Variants in ATP2B4 observed in about 807,000 individuals in gnomAD.
The protein encoded by ATP2B4 is ATPase plasma membrane Ca2+ transporting 4, also known as plasma membrane calcium-transporting ATPase 4.
In ATP2B4, 39 loss-of-function variants were observed where a neutral mutation model predicts 110.3. The observed-to-expected ratio is 0.35, with a 90% CI of 0.27 to 0.46. The LOEUF (loss-of-function observed/expected upper bound fraction) is 0.46, where lower values mean the gene tolerates loss of function less well. Ranked by LOEUF, ATP2B4 falls within the 20% of genes least tolerant of loss-of-function variation. The pLI is 1.00. For synonymous variants in ATP2B4, 538 were observed against 571.7 expected, an observed-to-expected ratio of 0.94 and a Z score of 0.84; for missense variants, 1,135 against 1,530.9, an observed-to-expected ratio of 0.74 and a Z score of 4.32.
At chr1:203,734,705 CA>C (rs35242931) in intron 20 of ATP2B4, among the ~76,000 whole-genome samples, 43,305 of 123,166 alleles carry the variant, frequency 0.35, 6,763 homozygotes, top group Non-Finnish European at 0.39. Flanking sequence ...GACTCCATCT[CA>C]AAAAAAAAAA....
rs144182897 is a variant in ATP2B4, at chr1:203,700,309, C to A, written c.753C>A (p.Asp251Glu). The A allele has an allele frequency of 3.1e-6, 5 of 1,613,438 alleles. No individual in the cohort carries two copies. Among genetic ancestry groups the A allele is most frequent in the Non-Finnish European group, 4.2e-6 (5 of 1,179,702 alleles). Residue 251 changes from aspartate (D) to glutamate (E), a missense_variant, in exon 5 of 21, where the codon GAC becomes GAA. Physicochemically the swap from Asp to Glu is conservative, Grantham distance 45 (BLOSUM62 2). Transcript: ENST00000357681. ...CTGACCATGTCAAGAAGTCCCTGGA[C>A]AAAGACCCCATGTTGCTCTCAGGTA... ...GESDHVKKSL[D>E]KDPMLLSGTH...
rs910330706 is a variant in ATP2B4 at position 203,724,067 on chromosome 1, C to G, written c.3132+79C>G. The G allele has an allele frequency of 6.7e-6, 8 of 1,196,028 alleles. No individual in the cohort carries two copies. In the East Asian group the frequency reaches 1.8e-4, roughly 27 times the overall value. 74.1% of individuals were successfully genotyped at this position (1,196,028 alleles called of 1,614,324 possible). ...CCTCTACATGAGATGGAACAAGCAA[C>G]GGTGGAGACCCCCCAGCTCCTCATC... On this transcript the variant is annotated intron_variant, in intron 19 of 20. Coordinates refer to ENST00000357681, the MANE Select transcript of ATP2B4 (RefSeq NM_001684.5).
intron 1 of ATP2B4, among the ~76,000 whole-genome samples, chr1:203,631,188 A>C (rs1663254789): frequency 6.6e-6 from 1 of 152,242 alleles, no homozygotes; most frequent in South Asian, 2.1e-4. Flanking sequence ...CTATGTGTGA[A>C]GGATAGTGGA....
At chr1:203,729,033 G>A (rs560770526) in intron 20 of ATP2B4, among the ~76,000 whole-genome samples, 9 of 150,142 alleles carry the variant, frequency 6.0e-5, no homozygotes, top group Non-Finnish European at 1.3e-4. Context: ...CAGGAAAATC[G>A]CTTGAACCCA....
intron 1 of ATP2B4, among the ~76,000 whole-genome samples, chr1:203,672,450 C>CCGT (rs1369343590): frequency 6.6e-6 from 1 of 150,678 alleles, no homozygotes; most frequent in Admixed American, 6.7e-5. Flanking sequence ...AATAGCTTTA[C>CCGT]CGTCGCTGGG....
chr1:203,701,933 A>C (rs1665704413), intron 6 of ATP2B4, 111 bp from the exon 7 acceptor site: 1 of 1,098,176 alleles, frequency 9.1e-7, no homozygotes, highest in Non-Finnish European at 1.3e-6. Context: ...CTTCCCTGCA[A>C]CCCAAACACT....
At chr1:203,635,162 C>T (rs1445199496) in intron 1 of ATP2B4, among the ~76,000 whole-genome samples, 5 of 152,018 alleles carry the variant, frequency 3.3e-5, no homozygotes, top group Admixed American at 6.6e-5. Flanking sequence ...TTAGTAGAGA[C>T]GAGGTTTCTC....
At chr1:203,672,477 C>T (rs1664703024) in intron 1 of ATP2B4, among the ~76,000 whole-genome samples, 1 of 152,076 alleles carries the variant, frequency 6.6e-6, no homozygotes, top group Admixed American at 6.5e-5. Context: ...ACTCGCTTTG[C>T]CATAGCAACC....
rs1491262777 is a variant in ATP2B4 at position 203,723,418 on chromosome 1, A to ATCTCTCTCTC, written c.3025-462_3025-461insCTCTCTCTCT. On this transcript the variant is annotated intron_variant, in intron 18 of 20. Coordinates refer to ENST00000357681, the MANE Select transcript of ATP2B4 (RefSeq NM_001684.5). ...TTTTTTTTTTTTTCGTTTGAGACAG[A>ATCTCTCTCTC]TATCTCTCTCTCTCTCTCTCTCTCT... Among the ~76,000 whole-genome samples the ATCTCTCTCTC allele has an allele frequency of 1.7e-4, 11 of 66,458 alleles. 1 individual carries two copies. The highest frequency in any genetic ancestry group is 5.9e-4 in the African/African-American group (10 of 16,968). The allele number at this position is 66,458 out of a possible 152,430, so 43.6% of individuals were successfully genotyped here.
intron 1 of ATP2B4, among the ~76,000 whole-genome samples, chr1:203,646,130 A>C (rs114826170): frequency 3.3e-5 from 5 of 152,120 alleles, no homozygotes; most frequent in African/African-American, 9.7e-5. Context: ...AGCACTTACT[A>C]TATTTCAGGC....
intron 1 of ATP2B4, among the ~76,000 whole-genome samples, chr1:203,674,672 T>C (rs556896234): frequency 0.022 from 1,719 of 78,952 alleles, 34 homozygotes; most frequent in Middle Eastern, 0.053. Context: ...TTTTTTTTTT[T>C]CTGAGATGGG....
intron 15 of ATP2B4, among the ~76,000 whole-genome samples, chr1:203,719,936 G>T (rs1050755135): frequency 3.9e-5 from 6 of 151,938 alleles, no homozygotes; most frequent in Non-Finnish European, 8.8e-5. Flanking sequence ...ACCAAGCAGG[G>T]TGAGCAAATG....
At chr1:203,687,776 A>ATTC (rs1342015192) in intron 2 of ATP2B4, among the ~76,000 whole-genome samples, 2 of 152,112 alleles carry the variant, frequency 1.3e-5, no homozygotes, top group African/African-American at 4.8e-5. Flanking sequence ...GTGGGACTTA[A>ATTC]TTATCTCTTT....
At chr1:203,669,222 G>A (rs1359548026) in intron 1 of ATP2B4, among the ~76,000 whole-genome samples, 1 of 152,154 alleles carries the variant, frequency 6.6e-6, no homozygotes, top group African/African-American at 2.4e-5. Flanking sequence ...TTCCTTCAGT[G>A]ATGGCTCATT....
chr1:203,691,912 G>A (rs975037778), intron 2 of ATP2B4, among the ~76,000 whole-genome samples: 2 of 151,440 alleles, frequency 1.3e-5, no homozygotes, highest in Admixed American at 1.3e-4. Flanking sequence ...GATGGAGTCT[G>A]GCTCTGTTGC....
chr1:203,698,917 G>A (rs1193347148), intron 3 of ATP2B4, among the ~76,000 whole-genome samples: 2 of 152,144 alleles, frequency 1.3e-5, no homozygotes, highest in Admixed American at 6.5e-5. Flanking sequence ...GATTACAGGC[G>A]TGACCCACTT....
At chr1:203,655,661 TAATA>T (rs1184511285) in intron 1 of ATP2B4, among the ~76,000 whole-genome samples, 2 of 151,174 alleles carry the variant, frequency 1.3e-5, no homozygotes, top group Non-Finnish European at 2.9e-5. Flanking sequence ...ATAATAATAA[TAATA>T]AATAAAATAA....
intron 15 of ATP2B4, among the ~76,000 whole-genome samples, chr1:203,714,612 C>A (rs1299758400): frequency 6.6e-6 from 1 of 152,176 alleles, no homozygotes; most frequent in East Asian, 1.9e-4. Flanking sequence ...TGGCTGGCAC[C>A]ATTGGGTATT....
In ATP2B4 at chr1:203,672,310, A is replaced by T. The variant is rs2102346189; in HGVS notation, c.-464-10432A>T. On this transcript the variant is annotated intron_variant, in intron 1 of 20. Transcript: ENST00000357681. ...GGCTATCCTGTTTTTGTTCCTGAGT[A>T]AGTTGCGGTGGCTCTTTTTTTTTTT... is the stretch of plus-strand genomic sequence containing the variant. 1.6e-5 allele frequency among the ~76,000 whole-genome samples: 2 copies of T among 126,456 alleles called. 1 individual carries two copies. Among genetic ancestry groups the T allele is most frequent in the African/African-American group, 6.1e-5 (2 of 32,922 alleles). The allele number at this position is 126,456 out of a possible 152,430, so 83.0% of individuals were successfully genotyped here. A position where few individuals can be genotyped will look rare whatever the true frequency, so the allele number is the denominator to read the frequency against.
Sources: gnomAD v4.1 joint callset for allele counts (sites outside exome capture counted in the v4.1 genomes callset) on GRCh38, gnomAD v4.1.1 for gene constraint, MANE v1.5 for transcripts, NCBI Gene and HGNC (gene_info 2026-07-23, HGNC 2026-07-21) for gene names.